EXOC4: variants seen among roughly 807,000 people sequenced by gnomAD.
The protein encoded by EXOC4 is SEC8-like 1.
In EXOC4, 71 loss-of-function variants were observed where a neutral mutation model predicts 107.2. The observed-to-expected ratio is 0.66, with a 90% CI of 0.55 to 0.81. The LOEUF is 0.81. Ranked by LOEUF, EXOC4 falls within the 30% of genes least tolerant of loss-of-function variation. The pLI is 0.00. For synonymous variants in EXOC4, 456 were observed against 441.2 expected (o/e 1.03, Z -0.42); for missense variants, 1,108 against 1,189.6 (o/e 0.93, Z 1.01).
chr7:133,918,827 G>A (rs1799871825), intron 13 of EXOC4, among the ~76,000 whole-genome samples: 1 of 152,096 alleles, frequency 6.6e-6, no homozygotes, highest in Non-Finnish European at 1.5e-5. Context: ...TTGCCTAAGT[G>A]AATGAATAAG....
intron 7 of EXOC4, among the ~76,000 whole-genome samples, chr7:133,389,325 C>CTTT (rs1481799391): frequency 1.3e-5 from 2 of 151,958 alleles, no homozygotes; most frequent in African/African-American, 2.4e-5. Context: ...AATCCCAGCA[C>CTTT]TTTGGAAGGC....
chr7:133,496,157 T>G (rs1254937082), intron 9 of EXOC4, among the ~76,000 whole-genome samples: 1 of 152,104 alleles, frequency 6.6e-6, no homozygotes, highest in Non-Finnish European at 1.5e-5. Context: ...TTGTTGTTGT[T>G]GGTTTTTTTT....
chr7:133,466,893 T>C (rs939404769), intron 7 of EXOC4, among the ~76,000 whole-genome samples: 3 of 152,122 alleles, frequency 2.0e-5, no homozygotes, highest in Non-Finnish European at 4.4e-5. Flanking sequence ...TCTCAATAGA[T>C]ATAGAAAAGC....
chr7:133,462,516 T>TATAA (rs1392675755), intron 7 of EXOC4, among the ~76,000 whole-genome samples: 1 of 152,156 alleles, frequency 6.6e-6, no homozygotes, highest in East Asian at 1.9e-4. Context: ...ACTTCAAAGC[T>TATAA]ATAAGCCCCT....
chr7:133,721,868 TAATAA>T (rs1795111618), intron 10 of EXOC4, among the ~76,000 whole-genome samples: 2 of 152,202 alleles, frequency 1.3e-5, no homozygotes, highest in African/African-American at 4.8e-5. Context: ...TTGTGGGGAG[TAATAA>T]AATATCCTTG....
the EXOC4 span, among the ~76,000 whole-genome samples, chr7:134,094,233 T>C: frequency 6.6e-6 from 1 of 152,130 alleles, no homozygotes; most frequent in African/African-American, 2.4e-5. Context: ...AAGATGACAT[T>C]ATAACTGATC....
At chr7:133,961,092 C>G (rs1457381120) in intron 14 of EXOC4, among the ~76,000 whole-genome samples, 1 of 151,930 alleles carries the variant, frequency 6.6e-6, no homozygotes, top group Non-Finnish European at 1.5e-5. Flanking sequence ...TTTAAGGGCT[C>G]TTAAAAGTGG....
intron 11 of EXOC4, among the ~76,000 whole-genome samples, chr7:133,866,095 C>T (rs1798634093): frequency 6.6e-6 from 1 of 152,176 alleles, no homozygotes; most frequent in African/African-American, 2.4e-5. Context: ...CTATTAATAA[C>T]TAACAATTAC....
chr7:133,626,889 G>A (rs11976828), intron 9 of EXOC4, among the ~76,000 whole-genome samples: 84,239 of 151,996 alleles, frequency 0.55, 24,020 homozygotes, highest in East Asian at 0.79. Flanking sequence ...GATACAGGGA[G>A]ATTTGCTTAC....
At position 133,440,026 on chromosome 7, in the gene EXOC4, G is replaced by A. The variant is rs556568112; in HGVS notation, c.1183-35302G>A. On this transcript the variant is annotated intron_variant, in intron 7 of 17. Transcript: ENST00000253861. ...TTTAATTCAATATATTCATTTAAAG[G>A]CATTAAAAAAATAAATTTAGTGATT... 4.6e-5 allele frequency among the ~76,000 whole-genome samples: 7 copies of A among 151,846 alleles called. No homozygotes were observed. In the East Asian group the frequency reaches 1.4e-3, roughly 29 times the overall value.
chr7:133,938,580 A>G (rs1368176499), intron 14 of EXOC4, among the ~76,000 whole-genome samples: 1 of 152,232 alleles, frequency 6.6e-6, no homozygotes, highest in Non-Finnish European at 1.5e-5. Flanking sequence ...AGAGATAGCA[A>G]TTACAGATTT....
At chr7:133,835,324 A>T (rs1390736970) in intron 11 of EXOC4, among the ~76,000 whole-genome samples, 2 of 152,202 alleles carry the variant, frequency 1.3e-5, no homozygotes, top group Non-Finnish European at 2.9e-5. Context: ...CATGTGCCCA[A>T]GGTGGTCGGG....
chr7:133,867,020 CCT>C (rs1169284256), intron 11 of EXOC4, among the ~76,000 whole-genome samples: 4 of 152,172 alleles, frequency 2.6e-5, no homozygotes, highest in African/African-American at 9.7e-5. Context: ...TCTGCTGTGC[CCT>C]GTGATCTCTC....
chr7:133,629,157 A>G (rs1245405522), intron 9 of EXOC4, among the ~76,000 whole-genome samples: 1 of 152,236 alleles, frequency 6.6e-6, no homozygotes, highest in Non-Finnish European at 1.5e-5. Flanking sequence ...GAGCTATTCA[A>G]TAAGGAAAAG....
intron 9 of EXOC4, among the ~76,000 whole-genome samples, chr7:133,585,254 C>G (rs1437010252): frequency 1.3e-5 from 2 of 152,182 alleles, no homozygotes; most frequent in Non-Finnish European, 2.9e-5. Flanking sequence ...TGTGTAACTT[C>G]AAGTGACGGA....
At chr7:133,289,823 C>T (rs1794363485) in intron 3 of EXOC4, among the ~76,000 whole-genome samples, 1 of 152,178 alleles carries the variant, frequency 6.6e-6, no homozygotes. Flanking sequence ...CCCACCCAGT[C>T]CCACTTCCAT....
chr7:133,504,746 T>C (rs1234582271), intron 9 of EXOC4, among the ~76,000 whole-genome samples: 1 of 152,094 alleles, frequency 6.6e-6, no homozygotes, highest in Non-Finnish European at 1.5e-5. Context: ...AAATATATAT[T>C]ATTGATATTT....
intron 12 of EXOC4, among the ~76,000 whole-genome samples, chr7:133,905,104 AT>A (rs1427857353): frequency 1.3e-5 from 2 of 152,170 alleles, no homozygotes; most frequent in Non-Finnish European, 2.9e-5. Flanking sequence ...TTGCACTCTG[AT>A]TTTCTCCCAT....
At chr7:133,354,210 A>AT (rs1366051682) in intron 5 of EXOC4, among the ~76,000 whole-genome samples, 15 of 149,594 alleles carry the variant, frequency 1.0e-4, no homozygotes, top group Non-Finnish European at 2.1e-4. Flanking sequence ...ATGCTTTGTG[A>AT]TTTTTTGTTG....
Sources: gnomAD v4.1 joint callset for allele counts (sites outside exome capture counted in the v4.1 genomes callset) on GRCh38, gnomAD v4.1.1 for gene constraint, MANE v1.5 for transcripts, NCBI Gene and HGNC (gene_info 2026-07-23, HGNC 2026-07-21) for gene names.